The following BMX variants were observed in gnomAD, a reference collection of about 807,000 sequenced individuals.
BMX encodes the protein BMX non-receptor tyrosine kinase.
In BMX, 31 loss-of-function variants were observed where a neutral mutation model predicts 59.2. The ratio of observed to expected loss-of-function variants is 0.52; its 90% CI spans 0.39 to 0.71. The LOEUF (loss-of-function observed/expected upper bound fraction) is 0.71, where lower values mean the gene tolerates loss of function less well. BMX is among the 30% of genes least tolerant of loss of function. The pLI is 0.00. For synonymous variants in BMX, 185 were observed against 181.0 expected (o/e 1.02, Z -0.18); for missense variants, 474 against 491.7 (o/e 0.96, Z 0.34).
chrX:15,546,107 A>G (rs1925933853), intron 16 of BMX, among the ~76,000 whole-genome samples: 1 of 112,279 alleles, frequency 8.9e-6, no homozygotes, highest in South Asian at 3.7e-4. Flanking sequence ...GCCATAATAT[A>G]TTTAATTACT....
rs1924979663 is a variant in BMX, at chrX:15,529,874, G to A, written c.885-99G>A. The A allele has an allele frequency of 1.3e-5, 10 of 745,248 alleles. No homozygotes were observed. In the Admixed American group the frequency reaches 2.0e-4, roughly 15 times the overall value. 61.4% of individuals were successfully genotyped at this position (745,248 alleles called of 1,213,427 possible). A position where few individuals can be genotyped will look rare whatever the true frequency, so the allele number is the denominator to read the frequency against. On this transcript the variant is annotated intron_variant, in intron 9 of 18. Transcript: ENST00000348343. ...AGCAGTTAGGCTTGGAAACCCCTGA[G>A]GTAAGCCAATGCCTCATTTTACAGA... is the stretch of plus-strand genomic sequence containing the variant.
intron 1 of BMX, chrX:15,507,495 A>G: frequency 2.3e-6 from 1 of 425,735 alleles, no homozygotes; most frequent in Non-Finnish European, 3.0e-6. Context: ...TTCACAAAGC[A>G]AAGAAGAACA....
At chrX:15,540,543 C>CA (rs1257549106) in intron 14 of BMX, among the ~76,000 whole-genome samples, 9 of 108,765 alleles carry the variant, frequency 8.3e-5, no homozygotes, top group Non-Finnish European at 1.5e-4. Flanking sequence ...GCACGTTCTG[C>CA]ACATGTATCC....
chrX:15,534,174 GTTTAT>G, intron 11 of BMX, 33 bp from the exon 12 acceptor site: 2 of 1,085,624 alleles, frequency 1.8e-6, no homozygotes, highest in East Asian at 3.4e-5. Flanking sequence ...AAGCTTTATT[GTTTAT>G]TTTAAATGTT....
At chrX:15,543,996 G>T (rs907889325) in intron 16 of BMX, among the ~76,000 whole-genome samples, 1 of 111,431 alleles carries the variant, frequency 9.0e-6, no homozygotes, top group Non-Finnish European at 1.9e-5. Context: ...ATATGAATAG[G>T]ATAGTCCCTG....
rs34046926 is a variant in BMX, at chrX:15,527,247, A to AAT, written c.884+1188_884+1189dup. Reference sequence around the variant, plus strand: ...ACAAACACACACACACACACACACAAATATATATATATATATATATATATA... The same window carrying AAT: ...ACAAACACACACACACACACACACAAATATATATATATATATATATATATATA... On this transcript the variant is annotated intron_variant, in intron 9 of 18. Transcript: ENST00000348343. Among the ~76,000 whole-genome samples the AAT allele has an allele frequency of 5.0e-3, 282 of 56,262 alleles. 3 individuals are homozygous for AAT. The highest frequency in any genetic ancestry group is 6.3e-3 in the Non-Finnish European group (214 of 34,077). The allele number at this position is 56,262 out of a possible 115,157, so 48.9% of individuals were successfully genotyped here.
chrX:15,541,375 TA>T (rs997977020), intron 14 of BMX, among the ~76,000 whole-genome samples: 7 of 109,005 alleles, frequency 6.4e-5, no homozygotes, highest in African/African-American at 2.3e-4. Flanking sequence ...ATTATCTCAT[TA>T]AAAAAAAATC....
In BMX at chrX:15,516,173, G is replaced by A. The variant is rs1924146735; in HGVS notation, c.387G>A (p.Lys129=). ...ATAGTGGGTTCTTCGTGGACGGGAA[G>A]TTCCTGTGTTGCCAGCAGAGCTGTA... is the stretch of plus-strand genomic sequence containing the variant. The part of the protein sequence containing the change: ...KYHSGFFVDG[K]FLCCQQSCKA... Residue 129 remains lysine, a synonymous_variant, in exon 5 of 19, where the codon AAG becomes AAA. Coordinates refer to ENST00000348343, the MANE Select transcript of BMX (RefSeq NM_203281.3). 8.3e-7 allele frequency: 1 copy of A among 1,211,343 alleles called. No homozygotes were observed. Among genetic ancestry groups the A allele is most frequent in the South Asian group, 1.8e-5 (1 of 56,973 alleles).
chrX:15,522,230 C>T (rs760869880), intron 6 of BMX, 116 bp from the exon 7 acceptor site: 343 of 941,794 alleles, frequency 3.6e-4, no homozygotes, highest in Middle Eastern at 2.2e-3. Context: ...TCCCTTCCTC[C>T]CTCCCTTCTC....
Position 15,525,378 on chromosome X carries a change from C to T in BMX, c.830+13C>T. 8.5e-7 allele frequency: 1 copy of T among 1,182,381 alleles called. No homozygotes were observed. The highest frequency in any genetic ancestry group is 1.1e-6 in the Non-Finnish European group (1 of 871,088). ...CAAAGATTTCATGGTAAATCAAATT[C>T]AGATATCTCCTACATCCAGAATATG... On this transcript the variant is annotated intron_variant, in intron 8 of 18. Coordinates refer to ENST00000348343, the MANE Select transcript of BMX (RefSeq NM_203281.3).
chrX:15,549,890 T>TA lies in BMX; in HGVS notation c.1847dup (p.Tyr616Ter), dbSNP rs1445530814. The TA allele has an allele frequency of 8.3e-7, 1 of 1,208,179 alleles. No homozygotes were observed. Among genetic ancestry groups the TA allele is most frequent in the African/African-American group, 1.8e-5 (1 of 56,878 alleles). The stretch of plus-strand genomic sequence containing the variant: ...CCTGGGGAAGCAGCCCTATGACTTG[T>TA]ATGACAACTCCCAGGTGGTTCTGAA... ...FSLGKQPYDL[Y>*]DNSQVVLKVS... The change falls in exon 18 of 19, where the codon TAT (tyrosine) becomes TAAT (stop). Residue 616 changes from tyrosine to a stop codon, truncating the protein, a stop_gained and frameshift_variant. Transcript: ENST00000348343. LOFTEE classifies it high-confidence loss of function.
At chrX:15,541,782 T>A (rs1043224941) in intron 14 of BMX, among the ~76,000 whole-genome samples, 200 bp from the exon 15 acceptor site, 1 of 111,436 alleles carries the variant, frequency 9.0e-6, no homozygotes, top group Non-Finnish European at 1.9e-5. Context: ...ATGTCTGATA[T>A]GAGGCAGAAA....
At chrX:15,547,385 A>G (rs1925994447) in intron 17 of BMX, among the ~76,000 whole-genome samples, 1 of 112,475 alleles carries the variant, frequency 8.9e-6, no homozygotes, top group African/African-American at 3.2e-5. Flanking sequence ...CTGCATGAAA[A>G]TAATGGGATA....
intron 18 of BMX, among the ~76,000 whole-genome samples, chrX:15,554,011 C>T (rs1366815397): frequency 2.7e-5 from 3 of 111,942 alleles, no homozygotes; most frequent in African/African-American, 9.8e-5. Flanking sequence ...TTGGGTTTTC[C>T]CTCCTTTTTT....
At chrX:15,527,616 T>G (rs898028620) in intron 9 of BMX, among the ~76,000 whole-genome samples, 1 of 111,802 alleles carries the variant, frequency 8.9e-6, no homozygotes, top group Non-Finnish European at 1.9e-5. Context: ...TATGCATATT[T>G]CCAGTTCTGT....
In BMX at chrX:15,536,333, T is replaced by C; in HGVS notation, c.1148-20T>C. On this transcript the variant is annotated intron_variant, in intron 12 of 18. Coordinates refer to ENST00000348343, the MANE Select transcript of BMX (RefSeq NM_203281.3). ...GATATGATATAATGATGTGATGATA[T>C]GATGCTGATTCCATTGCAGGCATGA... The C allele has an allele frequency of 8.3e-7, 1 of 1,202,217 alleles. No homozygotes were observed. Among genetic ancestry groups the C allele is most frequent in the South Asian group, 1.8e-5 (1 of 56,206 alleles).
intron 9 of BMX, among the ~76,000 whole-genome samples, chrX:15,528,948 T>C (rs1924932279): frequency 8.9e-6 from 1 of 112,137 alleles, no homozygotes; most frequent in African/African-American, 3.2e-5. Flanking sequence ...CCTTAAAATG[T>C]TGACTAATAA....
In BMX at chrX:15,527,271, TATATATATATATACACAC is replaced by T. The variant is rs1569224736; in HGVS notation, c.884+1178_884+1195del. Among the ~76,000 whole-genome samples the T allele has an allele frequency of 2.7e-4, 10 of 36,771 alleles. 1 individual carries two copies. The highest frequency in any genetic ancestry group is 9.7e-4 in the African/African-American group (9 of 9,242). The allele number at this position is 36,771 out of a possible 115,157, so 31.9% of individuals were successfully genotyped here. ...AAATATATATATATATATATATATA[TATATATATATATACACAC>T]ACACACACACACATATATATATACC... On this transcript the variant is annotated intron_variant, in intron 9 of 18. Transcript: ENST00000348343.
At chrX:15,537,098 T>C in intron 13 of BMX, 36 bp from the exon 14 acceptor site, 1 of 1,203,990 alleles carries the variant, frequency 8.3e-7, no homozygotes, top group East Asian at 3.0e-5. Flanking sequence ...AAGCTTTCTA[T>C]GCTCGTCCTA....
Sources: gnomAD v4.1 joint callset for allele counts (sites outside exome capture counted in the v4.1 genomes callset) on GRCh38, gnomAD v4.1.1 for gene constraint, MANE v1.5 for transcripts, NCBI Gene and HGNC (gene_info 2026-07-23, HGNC 2026-07-21) for gene names.